TMEM219: variants seen among roughly 807,000 people sequenced by gnomAD.
TMEM219 encodes the protein transmembrane protein 219.
A neutral mutation model predicts 17.9 loss-of-function variants in TMEM219; 18 were observed. The ratio of observed to expected loss-of-function variants is 1.01; its 90% CI spans 0.70 to 1.49. TMEM219 has a LOEUF of 1.49. Among genes scored for constraint, TMEM219 ranks in the 40% most tolerant of loss-of-function variants. The pLI, the probability that TMEM219 is intolerant of heterozygous loss-of-function variation, is 0.00. For synonymous variants in TMEM219, 113 were observed against 124.0 expected (o/e 0.91, Z 0.59); for missense variants, 288 against 292.4 (o/e 0.99, Z 0.11).
chr16:29,967,723 C>G lies in TMEM219; in HGVS notation c.356-302C>G, dbSNP rs559496110. 1.1e-4 allele frequency among the ~76,000 whole-genome samples: 16 copies of G among 152,190 alleles called. No individual in the cohort carries two copies. The South Asian group carries it at 3.1e-3, about 30-fold the overall frequency. Reference sequence around the variant, plus strand: ...CGGGCGGATCACGAGGTCAGGAGATCAAGACCATCCTGGCTACCACAGTGA... The same window carrying G: ...CGGGCGGATCACGAGGTCAGGAGATGAAGACCATCCTGGCTACCACAGTGA... On this transcript the variant is annotated intron_variant, in intron 3 of 5. Coordinates refer to ENST00000279396, the MANE Select transcript of TMEM219 (RefSeq NM_001083613.2).
At chr16:29,969,020 T>TAC (rs1470065084) in intron 4 of TMEM219, among the ~76,000 whole-genome samples, 1 of 150,926 alleles carries the variant, frequency 6.6e-6, no homozygotes, top group African/African-American at 2.4e-5. Flanking sequence ...GAGGGGGAGG[T>TAC]ACACTCCAGG....
intron 5 of TMEM219, 51 bp downstream of exon 5, chr16:29,971,629 G>A (rs1448904086): frequency 2.1e-6 from 3 of 1,440,828 alleles, no homozygotes; most frequent in Non-Finnish European, 2.9e-6. Context: ...GGTGGGGGTG[G>A]GGGTTGTAAC....
At chr16:29,967,454 T>G (rs2069225625) in intron 3 of TMEM219, among the ~76,000 whole-genome samples, 1 of 152,034 alleles carries the variant, frequency 6.6e-6, no homozygotes, top group Non-Finnish European at 1.5e-5. Flanking sequence ...ACAAAAAAAT[T>G]TTTTTAAATT....
intron 1 of TMEM219, 136 bp from the exon 2 acceptor site, chr16:29,962,971 G>A (rs1355928088): frequency 2.2e-5 from 16 of 732,290 alleles, no homozygotes; most frequent in African/African-American, 3.5e-5. Context: ...AACTTTTGGA[G>A]TCGGGAACCT....
At chr16:29,964,339 C>A (rs1428110672) in intron 3 of TMEM219, among the ~76,000 whole-genome samples, 1 of 150,656 alleles carries the variant, frequency 6.6e-6, no homozygotes, top group East Asian at 1.9e-4. Context: ...AAAAATTAGC[C>A]AGGCTTGGTG....
intron 4 of TMEM219, among the ~76,000 whole-genome samples, chr16:29,970,627 T>TA (rs1158594714): frequency 6.6e-6 from 1 of 152,038 alleles, no homozygotes; most frequent in Non-Finnish European, 1.5e-5. Flanking sequence ...CCCAGCCACT[T>TA]ATACATCTTT....
At position 29,963,084 on chromosome 16, in the gene TMEM219, C is replaced by T. The variant is rs1051242061; in HGVS notation, c.-37-23C>T. 18 of 1,581,788 alleles carry T rather than the reference C, an allele frequency of 1.1e-5. 1 individual carries two copies. In the African/African-American group the frequency reaches 2.1e-4, roughly 19 times the overall value. On this transcript the variant is annotated intron_variant, in intron 1 of 5. Transcript: ENST00000279396. ...TTGCGTAAAAGCGGTGCTCTTGTCC[C>T]ATTCTCCCTCCCTGTCTTCCAGCAG...
At chr16:29,969,609 T>TTC (rs1001537936) in intron 4 of TMEM219, among the ~76,000 whole-genome samples, 24 of 150,282 alleles carry the variant, frequency 1.6e-4, no homozygotes, top group African/African-American at 5.9e-4. Context: ...ATCCCAGGAG[T>TTC]TTGAGGCTGC....
chr16:29,971,575 T>A lies in TMEM219; in HGVS notation c.*30T>A. On this transcript the variant is annotated 3_prime_UTR_variant, in exon 5 of 6. Transcript: ENST00000279396. ...ACTGGCCTAGTTCCCGACTTGTTTC[T>A]CAGGTGAGGTTCTTTGCTCCAGTCC... The A allele has an allele frequency of 6.2e-7, 1 of 1,603,230 alleles. No homozygotes were observed. Among genetic ancestry groups the A allele is most frequent in the Non-Finnish European group, 8.5e-7 (1 of 1,175,866 alleles).
chr16:29,969,533 G>T (rs546420941), intron 4 of TMEM219, among the ~76,000 whole-genome samples: 71 of 151,532 alleles, frequency 4.7e-4, no homozygotes, highest in Non-Finnish European at 8.7e-4. Context: ...TTTTTAATTA[G>T]CAGGGTGTGG....
At chr16:29,965,544 C>A (rs1261597856) in intron 3 of TMEM219, among the ~76,000 whole-genome samples, 1 of 138,494 alleles carries the variant, frequency 7.2e-6, no homozygotes, top group African/African-American at 2.7e-5. Flanking sequence ...AATGGCAAGA[C>A]TCTGTCTCTA....
At chr16:29,968,307 G>C in intron 4 of TMEM219, 53 bp downstream of exon 4, 1 of 1,410,868 alleles carries the variant, frequency 7.1e-7, no homozygotes, top group African/African-American at 1.4e-5. Context: ...GCTGACTACT[G>C]TATCTTGAAG....
intron 4 of TMEM219, among the ~76,000 whole-genome samples, chr16:29,969,643 C>T (rs973410877): frequency 2.6e-5 from 4 of 151,826 alleles, no homozygotes; most frequent in Non-Finnish European, 5.9e-5. Context: ...TGTGCCACTG[C>T]ACTCCAGCCT....
In TMEM219 at chr16:29,963,115, C is replaced by T. The variant is rs759238165; in HGVS notation, c.-29C>T. On this transcript the variant is annotated 5_prime_UTR_variant, in exon 2 of 6. Transcript: ENST00000279396. ...CCCTCCCTGTCTTCCAGCAGGCTCT[C>T]CCCGGAGGCTCAGCCCCCTCTGCTC... 7.5e-6 allele frequency: 12 copies of T among 1,605,472 alleles called. No individual in the cohort carries two copies. The African/African-American group carries it at 1.6e-4, about 21-fold the overall frequency.
Position 29,971,400 on chromosome 16 carries a change from C to G in TMEM219, c.586-8C>G. On this transcript the variant is annotated splice_region_variant and splice_polypyrimidine_tract_variant and intron_variant, in intron 4 of 5. Transcript: ENST00000279396. ...TCCTCCTCCTCCTCTCCCTGTACCC[C>G]TCCCTAGGAGGAGCTGGCTCTGTGT... The G allele has an allele frequency of 1.2e-6, 2 of 1,614,066 alleles. No homozygotes were observed.
intron 3 of TMEM219, among the ~76,000 whole-genome samples, chr16:29,964,258 G>T (rs1440399260): frequency 6.6e-6 from 1 of 152,034 alleles, no homozygotes; most frequent in East Asian, 1.9e-4. Context: ...AGGAGGCGGA[G>T]GTTGCAGTGA....
intron 3 of TMEM219, among the ~76,000 whole-genome samples, 166 bp from the exon 4 acceptor site, chr16:29,967,859 G>A (rs1275016856): frequency 2.0e-5 from 3 of 151,740 alleles, no homozygotes; most frequent in Non-Finnish European, 4.4e-5. Context: ...CCCGGGAGGC[G>A]GAGCTTGCAG....
At position 29,963,275 on chromosome 16, in the gene TMEM219, C is replaced by G; in HGVS notation, c.132C>G (p.His44Gln). The G allele has an allele frequency of 6.2e-7, 1 of 1,614,166 alleles. No individual in the cohort carries two copies. The highest frequency in any genetic ancestry group is 8.5e-7 in the Non-Finnish European group (1 of 1,180,046). Residue 44 changes from histidine (H) to glutamine (Q), a missense_variant, in exon 2 of 6, where the codon CAC becomes CAG. Physicochemically the swap from His to Gln is conservative, Grantham distance 24. Coordinates refer to ENST00000279396, the MANE Select transcript of TMEM219 (RefSeq NM_001083613.2). ...GLGLGSFLLT[H>Q]RTGLRSPDIP... ...GCCTTGGCAGCTTCCTCCTCACCCA[C>G]AGGACTGGCCTGCGCAGCCCTGACA... is the stretch of plus-strand genomic sequence containing the variant.
Position 29,968,016 on chromosome 16 carries a change from C to T in TMEM219, c.356-9C>T. On this transcript the variant is annotated splice_polypyrimidine_tract_variant and intron_variant, in intron 3 of 5. Transcript: ENST00000279396. The stretch of plus-strand genomic sequence containing the variant: ...TTTTCTTCCATTTTCTCTTCTGTGC[C>T]TTTCACAGGATCTTCTGCAGGACAA... 1.9e-6 allele frequency: 3 copies of T among 1,608,280 alleles called. No individual in the cohort carries two copies. The highest frequency in any genetic ancestry group is 1.7e-6 in the Non-Finnish European group (2 of 1,174,920).
Sources: gnomAD v4.1 joint callset for allele counts (sites outside exome capture counted in the v4.1 genomes callset) on GRCh38, gnomAD v4.1.1 for gene constraint, MANE v1.5 for transcripts, NCBI Gene and HGNC (gene_info 2026-07-23, HGNC 2026-07-21) for gene names.